The following CUEDC2 variants were observed in gnomAD, a reference collection of about 807,000 sequenced individuals.
CUEDC2 encodes CUE domain containing 2, also known as CUE domain-containing protein 2.
CUEDC2 carries 10 observed loss-of-function variants against 36.0 expected under a neutral mutation model. That is an observed-to-expected ratio of 0.28 (90% confidence interval 0.17 to 0.47). CUEDC2 has a LOEUF of 0.47. CUEDC2 is among the 20% of genes least tolerant of loss of function. The probability of loss-of-function intolerance (pLI) is 0.99; values close to 1 mark genes in which losing one functional copy is unlikely to be tolerated. For synonymous variants in CUEDC2, 133 were observed against 141.8 expected, an observed-to-expected ratio of 0.94 and a Z score of 0.44; for missense variants, 269 against 368.1, an observed-to-expected ratio of 0.73 and a Z score of 2.20.
intron 1 of CUEDC2, among the ~76,000 whole-genome samples, 191 bp from the exon 2 acceptor site, chr10:102,425,389 C>T (rs1408744467): frequency 6.6e-6 from 1 of 150,902 alleles, no homozygotes; most frequent in African/African-American, 2.4e-5. Context: ...CAGGACAGGG[C>T]ACTGTGTCTG....
intron 1 of CUEDC2, among the ~76,000 whole-genome samples, chr10:102,428,752 G>A (rs908102150): frequency 2.6e-5 from 4 of 152,052 alleles, no homozygotes; most frequent in African/African-American, 7.2e-5. Context: ...GGCCAGGCAC[G>A]GAGGCTCATG....
In CUEDC2 at chr10:102,431,615, C is replaced by T. The variant is rs1277072285; in HGVS notation, c.-11+911G>A. ...TCTCACGATGCAAATTGTGTGGCCC[C>T]ATCCTATATTCTGAATCTCCTCTCC... On this transcript the variant is annotated intron_variant, in intron 1 of 8. Coordinates refer to ENST00000369937, the MANE Select transcript of CUEDC2 (RefSeq NM_024040.3). Among the ~76,000 whole-genome samples, 4 of 152,172 alleles carry T rather than the reference C, an allele frequency of 2.6e-5. No homozygotes were observed. The East Asian group carries it at 7.7e-4, about 29-fold the overall frequency.
In CUEDC2 at chr10:102,423,561, C is replaced by T; in HGVS notation, c.729G>A (p.Lys243=). The T allele has an allele frequency of 6.2e-7, 1 of 1,614,220 alleles. No homozygotes were observed. Among genetic ancestry groups the T allele is most frequent in the South Asian group, 1.1e-5 (1 of 91,084 alleles). The change falls in exon 9 of 9, where the codon AAG becomes AAA. Residue 243 remains lysine (K), a synonymous_variant. Transcript: ENST00000369937. The surrounding 1 kb of genome is among the most constrained non-coding windows in gnomAD (Gnocchi z 5.6). ...CCTGGTTGTCGATGTATCGGATCAG[C>T]TTCTTGGGGGCCTGTCAGGCAATCA... is the stretch of plus-strand genomic sequence containing the variant. ...RPMAPKEAPK[K]LIRYIDNQVV...
At chr10:102,428,132 G>A (rs1326975281) in intron 1 of CUEDC2, among the ~76,000 whole-genome samples, 1 of 152,094 alleles carries the variant, frequency 6.6e-6, no homozygotes, top group Non-Finnish European at 1.5e-5. Flanking sequence ...GTAGAGACAG[G>A]GTTTCACCAT....
chr10:102,429,934 G>A (rs2061610538), intron 1 of CUEDC2, among the ~76,000 whole-genome samples: 1 of 151,062 alleles, frequency 6.6e-6, no homozygotes, highest in Non-Finnish European at 1.5e-5. Context: ...GAGTAGCTGG[G>A]ATTACAGGCG....
chr10:102,430,494 G>T (rs939994561), intron 1 of CUEDC2, among the ~76,000 whole-genome samples: 1 of 152,246 alleles, frequency 6.6e-6, no homozygotes, highest in Non-Finnish European at 1.5e-5. Context: ...TAGGGAAGAA[G>T]CTTCTCAGGG....
chr10:102,431,091 C>T (rs757848965), intron 1 of CUEDC2, among the ~76,000 whole-genome samples: 30 of 152,280 alleles, frequency 2.0e-4, no homozygotes, highest in Non-Finnish European at 2.5e-4. Context: ...CTTACAATAA[C>T]TCTAAAATGT....
Position 102,424,821 on chromosome 10 carries a change from G to C in CUEDC2, c.75-29C>G. On this transcript the variant is annotated intron_variant, in intron 2 of 8. Coordinates refer to ENST00000369937, the MANE Select transcript of CUEDC2 (RefSeq NM_024040.3). The surrounding 1 kb of genome is among the most constrained non-coding windows in gnomAD (Gnocchi z 4.2). The stretch of plus-strand genomic sequence containing the variant: ...CAGGAAGGGAACAGGACAAGCCCTG[G>C]GTAGGACACTGGATGCCTCCAGCAC... The C allele has an allele frequency of 6.2e-7, 1 of 1,607,106 alleles. No individual in the cohort carries two copies. Among genetic ancestry groups the C allele is most frequent in the Non-Finnish European group, 8.5e-7 (1 of 1,177,946 alleles).
In CUEDC2 at chr10:102,424,694, G is replaced by A. The variant is rs2061589458; in HGVS notation, c.173C>T (p.Thr58Ile). The A allele has an allele frequency of 6.2e-7, 1 of 1,614,204 alleles. No homozygotes were observed. The highest frequency in any genetic ancestry group is 8.5e-7 in the Non-Finnish European group (1 of 1,180,020). Residue 58 changes from threonine to isoleucine, a missense_variant, in exon 3 of 9, where the codon ACT becomes ATT. Thr to Ile is a moderately conservative substitution (Grantham distance 89). Coordinates refer to ENST00000369937, the MANE Select transcript of CUEDC2 (RefSeq NM_024040.3). This position sits in a 1 kb window ranked among gnomAD's most constrained non-coding sequence, Gnocchi z 4.2. ...AGGCACATAGGCCTCCATCATCTCAGTGAAAGCCTCCATATCGAAGTTCTC... is the reference window on the plus strand; with the variant it reads ...AGGCACATAGGCCTCCATCATCTCAATGAAAGCCTCCATATCGAAGTTCTC... ...SEENFDMEAFTEMMEAYVPGF... is the reference protein window; with the variant it reads ...SEENFDMEAFIEMMEAYVPGF...
chr10:102,426,960 G>A (rs938655208), intron 1 of CUEDC2, among the ~76,000 whole-genome samples: 1 of 151,876 alleles, frequency 6.6e-6, no homozygotes, highest in African/African-American at 2.4e-5. Flanking sequence ...ACCGTGCCCG[G>A]CCTCAAAATT....
At position 102,431,298 on chromosome 10, in the gene CUEDC2, C is replaced by G. The variant is rs151254319; in HGVS notation, c.-11+1228G>C. On this transcript the variant is annotated intron_variant, in intron 1 of 8. Transcript: ENST00000369937. Reference sequence around the variant, plus strand: ...GGGATTACAGTCGCATGCCACCATGCCTGGCAAATTTATTTTGTATTTTTT... The same window carrying G: ...GGGATTACAGTCGCATGCCACCATGGCTGGCAAATTTATTTTGTATTTTTT... 1.9e-3 allele frequency among the ~76,000 whole-genome samples: 285 copies of G among 152,292 alleles called. 1 individual carries two copies. Among genetic ancestry groups the G allele is most frequent in the African/African-American group, 5.6e-3 (234 of 41,546 alleles).
rs2061590644 is a variant in CUEDC2, at chr10:102,424,974, CAG to C, written c.74+139_74+140del. On this transcript the variant is annotated intron_variant, in intron 2 of 8. Transcript: ENST00000369937. This position sits in a 1 kb window ranked among gnomAD's most constrained non-coding sequence, Gnocchi z 4.2. ...TTTCCCATCTGCCCAACAAAGGTGACAGGGACAGGATGAGAGGTAAGGCCTCT... is the reference window on the plus strand; with the variant it reads ...TTTCCCATCTGCCCAACAAAGGTGACGGACAGGATGAGAGGTAAGGCCTCT... 1.1e-6 allele frequency: 1 copy of C among 942,574 alleles called. No individual in the cohort carries two copies. Among genetic ancestry groups the C allele is most frequent in the African/African-American group, 1.6e-5 (1 of 61,544 alleles). The allele number at this position is 942,574 out of a possible 1,614,324, so 58.4% of individuals were successfully genotyped here. A position where few individuals can be genotyped will look rare whatever the true frequency, so the allele number is the denominator to read the frequency against.
intron 1 of CUEDC2, among the ~76,000 whole-genome samples, chr10:102,425,462 C>G (rs1005358038): frequency 2.1e-5 from 3 of 141,082 alleles, no homozygotes; most frequent in South Asian, 2.6e-4. Context: ...TCCCCACCCC[C>G]CTACCCCATT....
Position 102,424,294 on chromosome 10 carries a change from C to T in CUEDC2, c.381G>A (p.Ser127=), listed in dbSNP as rs546862079. Residue 127 remains serine (S), a synonymous_variant, in exon 5 of 9, where the codon TCG becomes TCA. Coordinates refer to ENST00000369937, the MANE Select transcript of CUEDC2 (RefSeq NM_024040.3). This position sits in a 1 kb window ranked among gnomAD's most constrained non-coding sequence, Gnocchi z 4.2. ...CTTGGGTGTCTGCAGCAGCAGCAGCCGAAGACCTAGTCTCTTCTTTGAGCA... is the reference window on the plus strand; with the variant it reads ...CTTGGGTGTCTGCAGCAGCAGCAGCTGAAGACCTAGTCTCTTCTTTGAGCA... The part of the protein sequence containing the change: ...PEMLKEETRS[S]AAAAADTQDE... 91 of 1,614,036 alleles carry T rather than the reference C, an allele frequency of 5.6e-5. 1 individual carries two copies. The highest frequency in any genetic ancestry group is 6.8e-5 in the Non-Finnish European group (80 of 1,179,982).
chr10:102,431,833 C>T (rs1190435314), intron 1 of CUEDC2, among the ~76,000 whole-genome samples: 1 of 152,160 alleles, frequency 6.6e-6, no homozygotes, highest in East Asian at 1.9e-4. Context: ...CTGGACCCTC[C>T]AGATGCTAGA....
Position 102,424,170 on chromosome 10 carries a change from G to A in CUEDC2, c.420C>T (p.Gly140=), listed in dbSNP as rs201654446. 1.0e-4 allele frequency: 168 copies of A among 1,613,648 alleles called. 1 individual carries two copies. The highest frequency in any genetic ancestry group is 2.0e-4 in the Admixed American group (12 of 59,960). Residue 140 remains glycine, a synonymous_variant, in exon 6 of 9, where the codon GGC becomes GGT. Transcript: ENST00000369937. The surrounding 1 kb of genome is among the most constrained non-coding windows in gnomAD (Gnocchi z 4.2). Reference sequence around the variant, plus strand: ...CCCCTGGCAGAAGCTCCTCCTCAGCGCCAGTTGCCTAAGGGTACAAACGTT... The same window carrying A: ...CCCCTGGCAGAAGCTCCTCCTCAGCACCAGTTGCCTAAGGGTACAAACGTT... ...AAADTQDEAT[G]AEEELLPGVD...
chr10:102,426,901 A>T (rs1348103671), intron 1 of CUEDC2, among the ~76,000 whole-genome samples: 1 of 151,964 alleles, frequency 6.6e-6, no homozygotes, highest in Non-Finnish European at 1.5e-5. Flanking sequence ...GGCTCAAAGC[A>T]GTTCGCCCAC....
chr10:102,429,424 C>A (rs1318166651), intron 1 of CUEDC2, among the ~76,000 whole-genome samples: 1 of 151,826 alleles, frequency 6.6e-6, no homozygotes, highest in Non-Finnish European at 1.5e-5. Context: ...CCTAGTTCAG[C>A]ATCTATTCTA....
rs1290932807 is a variant in CUEDC2 at position 102,424,042 on chromosome 10, A to G, written c.548T>C (p.Val183Ala). The part of the protein sequence containing the change: ...GDLEEAVQML[V>A]EGKEEGPAAW... Reference sequence around the variant, plus strand: ...TGCAGGCCCCTCTTCCTTTCCCTCTACCAGCATCTGCACAGCTTCTTCCAA... The same window carrying G: ...TGCAGGCCCCTCTTCCTTTCCCTCTGCCAGCATCTGCACAGCTTCTTCCAA... The change falls in exon 6 of 9, where the codon GTA (valine) becomes GCA (alanine). Residue 183 changes from valine (V) to alanine (A), a missense_variant. Val to Ala is a moderately conservative substitution (Grantham distance 64). Coordinates refer to ENST00000369937, the MANE Select transcript of CUEDC2 (RefSeq NM_024040.3). The surrounding 1 kb of genome is among the most constrained non-coding windows in gnomAD (Gnocchi z 4.2). 1.2e-6 allele frequency: 2 copies of G among 1,613,970 alleles called. No homozygotes were observed. Among genetic ancestry groups the G allele is most frequent in the South Asian group, 2.2e-5 (2 of 91,082 alleles).
Sources: gnomAD v4.1 joint callset for allele counts (sites outside exome capture counted in the v4.1 genomes callset) on GRCh38, gnomAD v4.1.1 for gene constraint, Gnocchi (gnomAD v3.1) non-coding constraint, MANE v1.5 for transcripts, NCBI Gene and HGNC (gene_info 2026-07-23, HGNC 2026-07-21) for gene names.